The following RSPO2 variants were observed in gnomAD, a reference collection of about 807,000 sequenced individuals.
The protein encoded by RSPO2 is R-spondin-2.
RSPO2 carries 14 observed loss-of-function variants against 30.9 expected under a neutral mutation model. That is an observed-to-expected ratio of 0.45 (90% confidence interval 0.30 to 0.71). The LOEUF (loss-of-function observed/expected upper bound fraction) is 0.71. Ranked by LOEUF, RSPO2 falls within the 30% of genes least tolerant of loss-of-function variation. The pLI, the probability that RSPO2 is intolerant of heterozygous loss-of-function variation, is 0.08. For synonymous variants in RSPO2, 107 were observed against 96.4 expected (o/e 1.11, Z -0.64); for missense variants, 264 against 301.9 (o/e 0.87, Z 0.93).
intron 5 of RSPO2, among the ~76,000 whole-genome samples, chr8:107,918,587 C>A (rs1399468666): frequency 6.6e-6 from 1 of 152,072 alleles, no homozygotes; most frequent in African/African-American, 2.4e-5. Flanking sequence ...TTAGGACCTC[C>A]AGAGGAGAAG....
intron 2 of RSPO2, among the ~76,000 whole-genome samples, chr8:108,032,224 G>GA (rs1359667772): frequency 5.3e-5 from 8 of 152,238 alleles, no homozygotes; most frequent in East Asian, 1.9e-4. Flanking sequence ...GGAAGTTTCA[G>GA]AAAAAACATC....
At chr8:108,064,791 A>G (rs1563587584) in intron 2 of RSPO2, among the ~76,000 whole-genome samples, 4 of 152,338 alleles carry the variant, frequency 2.6e-5, no homozygotes, top group Admixed American at 1.3e-4. Flanking sequence ...CAACAATGAT[A>G]GACTGGATTA....
chr8:107,987,070 T>C (rs1427167787), intron 3 of RSPO2, among the ~76,000 whole-genome samples: 1 of 152,166 alleles, frequency 6.6e-6, no homozygotes, highest in African/African-American at 2.4e-5. Context: ...CCTCTAAGCC[T>C]AAATATTTCT....
intron 2 of RSPO2, among the ~76,000 whole-genome samples, chr8:108,015,111 C>T (rs1011962240): frequency 6.6e-6 from 1 of 152,060 alleles, no homozygotes; most frequent in Non-Finnish European, 1.5e-5. Context: ...GTTTCTTGGC[C>T]ATAATAGAAG....
chr8:108,040,301 A>T (rs73307324), intron 2 of RSPO2, among the ~76,000 whole-genome samples: 4,761 of 152,170 alleles, frequency 0.031, 238 homozygotes, highest in African/African-American at 0.11. Context: ...AATATTGAAA[A>T]TCCCTTTTTT....
chr8:108,073,819 C>A (rs1812928389), intron 2 of RSPO2, among the ~76,000 whole-genome samples: 1 of 152,100 alleles, frequency 6.6e-6, no homozygotes, highest in African/African-American at 2.4e-5. Context: ...AGTGTGGCTT[C>A]ATATTGTTAA....
At chr8:107,949,166 T>TC (rs893836193) in intron 5 of RSPO2, among the ~76,000 whole-genome samples, 1 of 151,772 alleles carries the variant, frequency 6.6e-6, no homozygotes, top group Non-Finnish European at 1.5e-5. Flanking sequence ...CTCACCCCCT[T>TC]CCCCCCAAGT....
intron 2 of RSPO2, among the ~76,000 whole-genome samples, chr8:108,003,121 G>T (rs184890856): frequency 8.3e-4 from 121 of 145,442 alleles, no homozygotes; most frequent in African/African-American, 3.0e-3. Context: ...GTGTGATCTC[G>T]GCTCACCACA....
intron 5 of RSPO2, among the ~76,000 whole-genome samples, chr8:107,927,239 T>C (rs1247446878): frequency 6.6e-6 from 1 of 152,216 alleles, no homozygotes; most frequent in Non-Finnish European, 1.5e-5. Context: ...TTTTTGTACA[T>C]TGATTTTGTA....
chr8:107,939,043 G>C (rs568673513), intron 5 of RSPO2, among the ~76,000 whole-genome samples: 1 of 152,282 alleles, frequency 6.6e-6, no homozygotes, highest in Admixed American at 6.5e-5. Context: ...GGTGTCAGGA[G>C]AGCCTGAAGT....
intron 2 of RSPO2, among the ~76,000 whole-genome samples, chr8:108,017,050 TCTGTCGCCCAGG>T (rs1451697973): frequency 1.3e-5 from 2 of 151,612 alleles, no homozygotes; most frequent in African/African-American, 4.8e-5. Context: ...AGAGTTTCAC[TCTGTCGCCCAGG>T]CTGGAGTGCA....
intron 3 of RSPO2, among the ~76,000 whole-genome samples, chr8:107,987,317 G>A (rs1262916435): frequency 6.6e-6 from 1 of 152,016 alleles, no homozygotes; most frequent in Admixed American, 6.6e-5. Context: ...CCTCACTTCT[G>A]CTAGAATTAT....
chr8:107,907,328 A>G (rs536543483), intron 5 of RSPO2, among the ~76,000 whole-genome samples: 1 of 151,976 alleles, frequency 6.6e-6, no homozygotes, highest in Non-Finnish European at 1.5e-5. Flanking sequence ...CACTAAAAAG[A>G]TTTTACAGAT....
intron 3 of RSPO2, among the ~76,000 whole-genome samples, chr8:107,973,546 AC>A (rs1661666248): frequency 1.3e-5 from 2 of 151,726 alleles, no homozygotes; most frequent in Non-Finnish European, 2.9e-5. Context: ...ACACACACAC[AC>A]ACACACACAC....
At chr8:107,951,969 T>A (rs1225323901) in intron 5 of RSPO2, among the ~76,000 whole-genome samples, 1 of 152,260 alleles carries the variant, frequency 6.6e-6, no homozygotes, top group Non-Finnish European at 1.5e-5. Context: ...TTAGTCAGTC[T>A]GAAAGAAATC....
At chr8:107,911,304 A>T (rs1811818936) in intron 5 of RSPO2, among the ~76,000 whole-genome samples, 1 of 152,210 alleles carries the variant, frequency 6.6e-6, no homozygotes, top group Admixed American at 6.5e-5. Context: ...ATGCCTGAAC[A>T]GCTCTTGGAT....
At chr8:108,060,042 C>T (rs144387487) in intron 2 of RSPO2, among the ~76,000 whole-genome samples, 1 of 151,420 alleles carries the variant, frequency 6.6e-6, no homozygotes, top group African/African-American at 2.4e-5. Flanking sequence ...TACTACAATA[C>T]CAGGGGGTGG....
intron 2 of RSPO2, among the ~76,000 whole-genome samples, chr8:108,074,045 A>G (rs957816056): frequency 6.6e-6 from 1 of 152,198 alleles, no homozygotes; most frequent in Admixed American, 6.5e-5. Flanking sequence ...GTCCCTCTAC[A>G]CCACAAAAAG....
intron 2 of RSPO2, among the ~76,000 whole-genome samples, chr8:108,035,469 T>G (rs1811563602): frequency 6.6e-6 from 1 of 150,746 alleles, no homozygotes; most frequent in South Asian, 2.1e-4. Flanking sequence ...TTTGTTTGTT[T>G]TTGTTTTTGT....
Sources: gnomAD v4.1 joint callset for allele counts (sites outside exome capture counted in the v4.1 genomes callset) on GRCh38, gnomAD v4.1.1 for gene constraint, MANE v1.5 for transcripts, NCBI Gene and HGNC (gene_info 2026-07-23, HGNC 2026-07-21) for gene names.